Variants in SEMA6D observed in about 807,000 individuals in gnomAD.
SEMA6D encodes the protein semaphorin 6D.
Under a neutral mutation model 106.6 loss-of-function variants are expected in SEMA6D, and 35 were observed. The observed-to-expected ratio is 0.33, with a 90% CI of 0.25 to 0.44. The LOEUF (loss-of-function observed/expected upper bound fraction) is 0.44. SEMA6D is among the 20% of genes least tolerant of loss of function. The pLI is 1.00. For synonymous variants in SEMA6D, 499 were observed against 487.7 expected, an observed-to-expected ratio of 1.02 and a Z score of -0.31; for missense variants, 1,185 against 1,345.9, an observed-to-expected ratio of 0.88 and a Z score of 1.87.
intron 1 of SEMA6D, among the ~76,000 whole-genome samples, chr15:47,285,852 CTCT>C (rs1181537282): frequency 3.3e-5 from 5 of 152,202 alleles, no homozygotes; most frequent in African/African-American, 1.2e-4. Context: ...TCAGGTTATA[CTCT>C]TCTTGTTAAC....
At chr15:47,542,411 A>C (rs2045383593) in intron 3 of SEMA6D, among the ~76,000 whole-genome samples, 1 of 152,144 alleles carries the variant, frequency 6.6e-6, no homozygotes, top group Non-Finnish European at 1.5e-5. Flanking sequence ...AGACCATAGA[A>C]ATGTGTTTTA....
intron 4 of SEMA6D, among the ~76,000 whole-genome samples, chr15:47,618,935 G>A (rs972243772): frequency 6.6e-6 from 1 of 152,184 alleles, no homozygotes; most frequent in African/African-American, 2.4e-5. Flanking sequence ...AAAAGGAGCT[G>A]CTCTTTATCC....
chr15:47,551,327 G>C (rs989189664), intron 3 of SEMA6D, among the ~76,000 whole-genome samples: 1 of 152,084 alleles, frequency 6.6e-6, no homozygotes, highest in Non-Finnish European at 1.5e-5. Context: ...CATTTGGTTG[G>C]GGGCAGGTTG....
intron 3 of SEMA6D, among the ~76,000 whole-genome samples, chr15:47,553,334 C>G (rs2045819767): frequency 6.6e-6 from 1 of 152,148 alleles, no homozygotes; most frequent in East Asian, 1.9e-4. Context: ...TACTTTATCA[C>G]ATAATTGCCT....
intron 3 of SEMA6D, among the ~76,000 whole-genome samples, chr15:47,484,083 G>T (rs2141335705): frequency 6.6e-6 from 1 of 152,262 alleles, no homozygotes; most frequent in South Asian, 2.1e-4. Flanking sequence ...AGCCTCAGAA[G>T]TGTCTTGGCC....
intron 2 of SEMA6D, among the ~76,000 whole-genome samples, chr15:47,460,863 C>G (rs564571337): frequency 9.5e-4 from 144 of 152,070 alleles, no homozygotes; most frequent in Non-Finnish European, 1.7e-3. Flanking sequence ...ATTTAATGAC[C>G]CGGAAATTAA....
At chr15:47,239,450 A>G (rs2032766264) in intron 1 of SEMA6D, among the ~76,000 whole-genome samples, 1 of 152,212 alleles carries the variant, frequency 6.6e-6, no homozygotes, top group African/African-American at 2.4e-5. Context: ...ATTGTCTTCT[A>G]CGAAACCAGT....
At chr15:47,442,440 T>G (rs140253516) in intron 2 of SEMA6D, among the ~76,000 whole-genome samples, 1 of 152,112 alleles carries the variant, frequency 6.6e-6, no homozygotes, top group Admixed American at 6.6e-5. Context: ...AACTTTAGCC[T>G]GCATTTGGGG....
chr15:47,250,146 C>A (rs544102291), intron 1 of SEMA6D, among the ~76,000 whole-genome samples: 31 of 152,194 alleles, frequency 2.0e-4, no homozygotes, highest in African/African-American at 7.5e-4. Context: ...GGTTTTCTAA[C>A]CTTCGCAAAA....
chr15:47,611,186 C>T (rs942125498), intron 4 of SEMA6D, among the ~76,000 whole-genome samples: 43 of 150,522 alleles, frequency 2.9e-4, no homozygotes, highest in Non-Finnish European at 4.1e-4. Context: ...CACACACACA[C>T]GCATGCACAC....
intron 1 of SEMA6D, among the ~76,000 whole-genome samples, chr15:47,369,650 A>G (rs1016471608): frequency 3.9e-5 from 6 of 152,264 alleles, no homozygotes; most frequent in African/African-American, 1.4e-4. Context: ...TACAATATAC[A>G]TAAAAGGTTA....
At chr15:47,248,745 A>G (rs1324478173) in intron 1 of SEMA6D, among the ~76,000 whole-genome samples, 2 of 151,940 alleles carry the variant, frequency 1.3e-5, no homozygotes, top group Non-Finnish European at 2.9e-5. Context: ...CATGTGCCTG[A>G]CTCCCTAATA....
intron 2 of SEMA6D, among the ~76,000 whole-genome samples, chr15:47,436,943 A>G: frequency 6.7e-6 from 1 of 148,672 alleles, no homozygotes; most frequent in Non-Finnish European, 1.5e-5. Context: ...CAGAAAAAAA[A>G]AAATAAAAGA....
chr15:47,409,054 T>C (rs1418953932), intron 1 of SEMA6D, among the ~76,000 whole-genome samples: 1 of 152,212 alleles, frequency 6.6e-6, no homozygotes, highest in Non-Finnish European at 1.5e-5. Context: ...GAGTGTGGGG[T>C]AAAATCCAGG....
At chr15:47,653,187 G>T (rs1373061212) in intron 4 of SEMA6D, among the ~76,000 whole-genome samples, 2 of 152,148 alleles carry the variant, frequency 1.3e-5, no homozygotes, top group East Asian at 3.9e-4. Context: ...AAGATAATGA[G>T]AAATTTTCTT....
intron 4 of SEMA6D, among the ~76,000 whole-genome samples, chr15:47,660,007 A>G (rs2145166623): frequency 6.6e-6 from 1 of 152,176 alleles, no homozygotes; most frequent in South Asian, 2.1e-4. Flanking sequence ...GCTATAACCA[A>G]TCATTGTTTA....
intron 3 of SEMA6D, among the ~76,000 whole-genome samples, chr15:47,550,157 A>G (rs571249670): frequency 6.6e-6 from 1 of 152,144 alleles, no homozygotes; most frequent in Non-Finnish European, 1.5e-5. Context: ...AGTGAGCAAA[A>G]GTGATTGAAA....
intron 13 of SEMA6D, chr15:47,765,551 T>A: frequency 1.4e-6 from 1 of 708,684 alleles, no homozygotes; most frequent in African/African-American, 1.9e-5. Flanking sequence ...ACCAGAACCA[T>A]CTAACACAGG....
rs186326756 is a variant in SEMA6D, at chr15:47,533,894, A to G, written c.-87+63349A>G. Among the ~76,000 whole-genome samples the G allele has an allele frequency of 2.0e-3, 310 of 152,330 alleles. 1 individual carries two copies. The highest frequency in any genetic ancestry group is 3.5e-3 in the Non-Finnish European group (236 of 68,022). Reference sequence around the variant, plus strand: ...TTCCTCTGATTGGATGAAAGAGTCAAAATTCAAAATGGCAGAATTGTGTCA... The same window carrying G: ...TTCCTCTGATTGGATGAAAGAGTCAGAATTCAAAATGGCAGAATTGTGTCA... On this transcript the variant is annotated intron_variant, in intron 3 of 19. Coordinates refer to the SEMA6D transcript ENST00000558014.
Sources: allele counts gnomAD v4.1 joint callset (sites outside exome capture counted in the v4.1 genomes callset), GRCh38; gene constraint gnomAD v4.1.1; transcripts MANE v1.5; gene names NCBI Gene and HGNC (gene_info 2026-07-23, HGNC 2026-07-21).